The following CCSER1 variants were observed in gnomAD, a reference collection of about 807,000 sequenced individuals.
The protein encoded by CCSER1 is serine-rich coiled-coil domain-containing protein 1.
In CCSER1, 41 loss-of-function variants were observed where a neutral mutation model predicts 82.0. That is an observed-to-expected ratio of 0.50 (90% CI 0.39 to 0.65). CCSER1 has a LOEUF of 0.65. Ranked by LOEUF, CCSER1 falls within the 30% of genes least tolerant of loss-of-function variation. The pLI is 0.00. For synonymous variants in CCSER1, 414 were observed against 383.9 expected (o/e 1.08, Z -0.92); for missense variants, 1,119 against 1,064.2 (o/e 1.05, Z -0.72).
chr4:91,200,702 G>A (rs986881203), intron 10 of CCSER1, among the ~76,000 whole-genome samples: 14 of 151,910 alleles, frequency 9.2e-5, no homozygotes, highest in Admixed American at 2.6e-4. Context: ...TGATTTGTAC[G>A]CGTTTGGAAC....
At chr4:91,296,483 A>ATATATATATATATATATATTTATTTATT (rs1175690764) in intron 10 of CCSER1, among the ~76,000 whole-genome samples, 20 of 124,010 alleles carry the variant, frequency 1.6e-4, no homozygotes, top group South Asian at 2.4e-4. Context: ...ATATATATAT[A>ATATATATATATATATATATTTATTTATT]TATTTTAATT....
chr4:90,435,491 A>G (rs1758879261), intron 4 of CCSER1, among the ~76,000 whole-genome samples: 1 of 152,152 alleles, frequency 6.6e-6, no homozygotes, highest in Non-Finnish European at 1.5e-5. Flanking sequence ...TGCTCCTTCT[A>G]TTGATAAATT....
intron 10 of CCSER1, among the ~76,000 whole-genome samples, chr4:91,310,925 GT>G (rs1745428538): frequency 6.6e-6 from 1 of 151,768 alleles, no homozygotes; most frequent in Non-Finnish European, 1.5e-5. Flanking sequence ...TTCTTCCAAT[GT>G]GGCCTAGGGA....
At chr4:91,146,465 A>T (rs1231097904) in intron 10 of CCSER1, among the ~76,000 whole-genome samples, 1 of 152,124 alleles carries the variant, frequency 6.6e-6, no homozygotes, top group Non-Finnish European at 1.5e-5. Context: ...CAGGGAGCTA[A>T]TGCAATTTTT....
chr4:90,826,978 A>C (rs1007950074), intron 8 of CCSER1, among the ~76,000 whole-genome samples: 3 of 152,154 alleles, frequency 2.0e-5, no homozygotes, highest in African/African-American at 7.2e-5. Flanking sequence ...TTACAAAGCC[A>C]TTATGTGAAA....
chr4:90,737,770 T>C (rs1745899319), intron 7 of CCSER1, among the ~76,000 whole-genome samples: 1 of 146,968 alleles, frequency 6.8e-6, no homozygotes, highest in Non-Finnish European at 1.5e-5. Context: ...CTAGATTTTG[T>C]AGGTGTGCTT....
At chr4:91,564,170 A>AG (rs1192743033) in intron 10 of CCSER1, among the ~76,000 whole-genome samples, 3 of 151,988 alleles carry the variant, frequency 2.0e-5, no homozygotes, top group African/African-American at 7.2e-5. Context: ...TAGTTTGCTA[A>AG]GGATAATTGT....
At chr4:90,316,358 A>T (rs1011703327) in intron 3 of CCSER1, among the ~76,000 whole-genome samples, 6 of 152,182 alleles carry the variant, frequency 3.9e-5, no homozygotes, top group African/African-American at 1.4e-4. Flanking sequence ...TGTTTGCATC[A>T]ATTTGGTGTA....
At chr4:90,623,839 G>T (rs540487562) in intron 5 of CCSER1, among the ~76,000 whole-genome samples, 1 of 152,230 alleles carries the variant, frequency 6.6e-6, no homozygotes, top group East Asian at 1.9e-4. Flanking sequence ...TTTGTAGGTA[G>T]GTCCTTAAAC....
At chr4:90,551,231 C>G (rs1579109646) in intron 5 of CCSER1, among the ~76,000 whole-genome samples, 1 of 152,228 alleles carries the variant, frequency 6.6e-6, no homozygotes, top group South Asian at 2.1e-4. Flanking sequence ...TGATAGTTAT[C>G]CATTTCATTC....
intron 5 of CCSER1, among the ~76,000 whole-genome samples, chr4:90,479,711 C>A (rs989390745): frequency 5.3e-5 from 8 of 152,222 alleles, no homozygotes; most frequent in African/African-American, 1.9e-4. Flanking sequence ...TGAACTCATC[C>A]TTTTTTATGG....
intron 1 of CCSER1, among the ~76,000 whole-genome samples, chr4:90,271,852 ATATATATATATT>A (rs1380781178): frequency 2.9e-4 from 7 of 24,428 alleles, no homozygotes; most frequent in Admixed American, 2.0e-3. Flanking sequence ...ATATATATAT[ATATATATATATT>A]TTTTTTTTTT....
At chr4:91,582,723 A>G (rs1250820123) in intron 10 of CCSER1, among the ~76,000 whole-genome samples, 1 of 151,364 alleles carries the variant, frequency 6.6e-6, no homozygotes, top group African/African-American at 2.4e-5. Flanking sequence ...TCTATCTTTT[A>G]TCTGTCTATC....
intron 8 of CCSER1, among the ~76,000 whole-genome samples, chr4:90,907,800 C>A (rs1007953303): frequency 6.6e-6 from 1 of 151,924 alleles, no homozygotes; most frequent in African/African-American, 2.4e-5. Flanking sequence ...CTGGAATAAA[C>A]CCTTAGTTCA....
chr4:90,283,522 A>G (rs1729256716), intron 1 of CCSER1, among the ~76,000 whole-genome samples: 2 of 152,086 alleles, frequency 1.3e-5, no homozygotes, highest in South Asian at 4.1e-4. Flanking sequence ...AGAACATTAC[A>G]GTTCCACTCT....
At chr4:90,942,338 G>A (rs1219526251) in intron 9 of CCSER1, among the ~76,000 whole-genome samples, 1 of 152,016 alleles carries the variant, frequency 6.6e-6, no homozygotes, top group Non-Finnish European at 1.5e-5. Context: ...AAAATGGGGG[G>A]AAGAAAAAAT....
chr4:90,471,440 A>G (rs1462326495), intron 5 of CCSER1, among the ~76,000 whole-genome samples: 1 of 152,152 alleles, frequency 6.6e-6, no homozygotes, highest in Admixed American at 6.6e-5. Flanking sequence ...TGTCTCTAAA[A>G]GAAATAATAA....
chr4:90,898,269 CTTTTTTTTTTT>C (rs70963094), intron 8 of CCSER1, among the ~76,000 whole-genome samples: 7 of 52,542 alleles, frequency 1.3e-4, no homozygotes, highest in East Asian at 3.7e-4. Context: ...TTTAATCCAT[CTTTTTTTTTTT>C]TTTTTTTTTT....
intron 9 of CCSER1, among the ~76,000 whole-genome samples, chr4:90,988,129 T>A (rs1014433248): frequency 3.3e-4 from 50 of 151,420 alleles, no homozygotes; most frequent in African/African-American, 1.2e-3. Context: ...CCAGCCTGGG[T>A]AACATAATGA....
Sources: allele counts gnomAD v4.1 joint callset (sites outside exome capture counted in the v4.1 genomes callset), GRCh38; gene constraint gnomAD v4.1.1; transcripts MANE v1.5; gene names NCBI Gene and HGNC (gene_info 2026-07-23, HGNC 2026-07-21).